BICD1: variants seen among roughly 807,000 people sequenced by gnomAD.
BICD1 encodes BICD cargo adaptor 1.
Under a neutral mutation model 92.5 loss-of-function variants are expected in BICD1, and 35 were observed. That is an observed-to-expected ratio of 0.38 (90% confidence interval 0.29 to 0.50). The LOEUF (loss-of-function observed/expected upper bound fraction) is 0.50. BICD1 is among the 20% of genes least tolerant of loss of function. The pLI is 0.93. For synonymous variants in BICD1, 429 were observed against 465.1 expected, an observed-to-expected ratio of 0.92 and a Z score of 1.00; for missense variants, 950 against 1,189.8, an observed-to-expected ratio of 0.80 and a Z score of 2.97.
intron 8 of BICD1, chr12:32,339,460 C>A (rs576883575): frequency 7.1e-6 from 7 of 985,600 alleles, no homozygotes; most frequent in African/African-American, 7.0e-5. Context: ...GTAAAACCTT[C>A]TAAGATTTTG....
At chr12:32,190,825 A>G (rs1944543772) in intron 1 of BICD1, among the ~76,000 whole-genome samples, 1 of 152,206 alleles carries the variant, frequency 6.6e-6, no homozygotes, top group Non-Finnish European at 1.5e-5. Context: ...GAACATTCAC[A>G]AGGGCTAGAT....
intron 5 of BICD1, among the ~76,000 whole-genome samples, chr12:32,329,102 A>G (rs71457636): frequency 2.0e-5 from 3 of 151,454 alleles, no homozygotes; most frequent in Non-Finnish European, 4.4e-5. Flanking sequence ...TATTATTATT[A>G]TTATTTTTTA....
At chr12:32,281,412 T>C (rs1947409046) in intron 2 of BICD1, among the ~76,000 whole-genome samples, 1 of 152,194 alleles carries the variant, frequency 6.6e-6, no homozygotes. Context: ...GAATTGGGCT[T>C]GCCTCATTGC....
intron 9 of BICD1, among the ~76,000 whole-genome samples, chr12:32,374,909 C>CTT (rs1939879847): frequency 1.2e-5 from 1 of 84,290 alleles, no homozygotes. Flanking sequence ...CATTTATTTT[C>CTT]CTTTTTTTTT....
At chr12:32,213,194 G>T (rs1303621103) in intron 1 of BICD1, among the ~76,000 whole-genome samples, 1 of 152,170 alleles carries the variant, frequency 6.6e-6, no homozygotes, top group Non-Finnish European at 1.5e-5. Context: ...GTCACGTCTT[G>T]TTAGTCTCAT....
chr12:32,123,836 C>T (rs925278162), intron 1 of BICD1, among the ~76,000 whole-genome samples: 1 of 151,524 alleles, frequency 6.6e-6, no homozygotes, highest in Non-Finnish European at 1.5e-5. Context: ...GAGATTGCGC[C>T]ACTGCACTCC....
At chr12:32,238,979 G>A (rs1044702729) in intron 2 of BICD1, among the ~76,000 whole-genome samples, 5 of 150,004 alleles carry the variant, frequency 3.3e-5, no homozygotes, top group African/African-American at 1.2e-4. Context: ...GGGCGCAGTG[G>A]CTCACGCCTG....
At chr12:32,300,812 A>AT (rs555788482) in intron 3 of BICD1, among the ~76,000 whole-genome samples, 10,362 of 139,602 alleles carry the variant, frequency 0.074, 503 homozygotes, top group South Asian at 0.15. Context: ...GCCCAGCTAA[A>AT]TTTTTTTTTT....
At chr12:32,204,820 G>C (rs1945001785) in intron 1 of BICD1, among the ~76,000 whole-genome samples, 1 of 152,226 alleles carries the variant, frequency 6.6e-6, no homozygotes, top group African/African-American at 2.4e-5. Context: ...GGGGAATGCA[G>C]TGATACTTGG....
At chr12:32,202,108 C>T (rs866808614) in intron 1 of BICD1, among the ~76,000 whole-genome samples, 12 of 152,306 alleles carry the variant, frequency 7.9e-5, no homozygotes, top group African/African-American at 2.9e-4. Flanking sequence ...GATTTCCTGA[C>T]ATTTATCACT....
intron 1 of BICD1, 80 bp downstream of exon 1, chr12:32,107,624 A>G (rs1941534216): frequency 4.2e-6 from 6 of 1,421,834 alleles, no homozygotes; most frequent in Admixed American, 2.0e-5. Context: ...TCAAGAAGTC[A>G]TAAAGGAGGT....
intron 8 of BICD1, among the ~76,000 whole-genome samples, chr12:32,365,746 T>G (rs1411001556): frequency 6.6e-6 from 1 of 152,216 alleles, no homozygotes; most frequent in Non-Finnish European, 1.5e-5. Context: ...ACCACTCAGA[T>G]AGGCAGGAAA....
chr12:32,304,550 T>C (rs1261846501), intron 3 of BICD1, among the ~76,000 whole-genome samples: 1 of 152,182 alleles, frequency 6.6e-6, no homozygotes, highest in Non-Finnish European at 1.5e-5. Context: ...GATTACAGTG[T>C]ACTTGTGGAG....
intron 8 of BICD1, among the ~76,000 whole-genome samples, chr12:32,350,868 CTT>C (rs139170240): frequency 0.062 from 9,494 of 152,234 alleles, 414 homozygotes; most frequent in Middle Eastern, 0.13. Flanking sequence ...ATTCATTGTC[CTT>C]TGTCACCTCT....
At chr12:32,158,076 C>T (rs186413660) in intron 1 of BICD1, among the ~76,000 whole-genome samples, 18 of 149,954 alleles carry the variant, frequency 1.2e-4, no homozygotes, top group African/African-American at 3.9e-4. Flanking sequence ...TTACACAGGA[C>T]GATAATTTGA....
intron 1 of BICD1, among the ~76,000 whole-genome samples, chr12:32,168,927 A>G (rs1943854754): frequency 6.6e-6 from 1 of 151,274 alleles, no homozygotes. Context: ...GCGCGATTGC[A>G]CTCCAGCTTG....
Position 32,106,996 on chromosome 12 carries a change from G to T in BICD1, c.-336G>T. On this transcript the variant is annotated 5_prime_UTR_variant, in exon 1 of 10. Transcript: ENST00000652176. The stretch of plus-strand genomic sequence containing the variant: ...GGGCGTCTCTGAATAAGCAGAATCC[G>T]GAGCCCCTCGCTACCCGCGGCCGCC... 3.5e-6 allele frequency: 1 copy of T among 287,576 alleles called. No individual in the cohort carries two copies. Among genetic ancestry groups the T allele is most frequent in the Non-Finnish European group, 6.6e-6 (1 of 152,588 alleles). 17.8% of individuals were successfully genotyped at this position (287,576 alleles called of 1,614,324 possible).
chr12:32,134,315 G>C (rs1270993379), intron 1 of BICD1, among the ~76,000 whole-genome samples: 1 of 152,148 alleles, frequency 6.6e-6, no homozygotes, highest in Non-Finnish European at 1.5e-5. Flanking sequence ...GGGCCAGGGA[G>C]GCAAGTGTGC....
chr12:32,163,560 C>CTCAAGACTGTAT (rs1943661897), intron 1 of BICD1, among the ~76,000 whole-genome samples: 1 of 152,106 alleles, frequency 6.6e-6, no homozygotes, highest in African/African-American at 2.4e-5. Context: ...TGCTTGTTCA[C>CTCAAGACTGTAT]TCAAGACTGT....
Sources: gnomAD v4.1 joint callset for allele counts (sites outside exome capture counted in the v4.1 genomes callset) on GRCh38, gnomAD v4.1.1 for gene constraint, MANE v1.5 for transcripts, NCBI Gene and HGNC (gene_info 2026-07-23, HGNC 2026-07-21) for gene names.